Variants in SAE1 observed in about 807,000 individuals in gnomAD.
The protein encoded by SAE1 is SUMO-activating enzyme subunit 1.
A neutral mutation model predicts 40.6 loss-of-function variants in SAE1; 11 were observed. The observed-to-expected ratio is 0.27, with a 90% CI of 0.17 to 0.45. The LOEUF (loss-of-function observed/expected upper bound fraction) is 0.45. Ranked by LOEUF, SAE1 falls within the 20% of genes least tolerant of loss-of-function variation. The probability of loss-of-function intolerance (pLI) is 1.00; values close to 1 mark genes in which losing one functional copy is unlikely to be tolerated. For synonymous variants in SAE1, 155 were observed against 154.3 expected, an observed-to-expected ratio of 1.00 and a Z score of -0.03; for missense variants, 373 against 427.3, an observed-to-expected ratio of 0.87 and a Z score of 1.12.
intron 2 of SAE1, among the ~76,000 whole-genome samples, chr19:47,148,805 G>C (rs1449069045): frequency 1.3e-5 from 2 of 149,662 alleles, no homozygotes; most frequent in Non-Finnish European, 3.0e-5. Context: ...GTAGAGATGG[G>C]GTTTCACCAT....
intron 8 of SAE1, among the ~76,000 whole-genome samples, chr19:47,206,729 C>A (rs1188785772): frequency 1.3e-5 from 2 of 152,166 alleles, no homozygotes; most frequent in African/African-American, 2.4e-5. Flanking sequence ...ACCCTTCCAC[C>A]TGGCTAGGTT....
intron 6 of SAE1, among the ~76,000 whole-genome samples, chr19:47,194,529 G>A (rs926534281): frequency 1.3e-5 from 2 of 152,180 alleles, no homozygotes; most frequent in African/African-American, 2.4e-5. Context: ...AAGCACTCAG[G>A]GCTTGGGCCT....
chr19:47,170,961 C>A (rs1278106371), intron 6 of SAE1, among the ~76,000 whole-genome samples: 1 of 152,078 alleles, frequency 6.6e-6, no homozygotes, highest in African/African-American at 2.4e-5. Flanking sequence ...TTTCAGTGTT[C>A]TTCCTGTACC....
chr19:47,209,642 G>A lies in SAE1; in HGVS notation c.*391G>A. On this transcript the variant is annotated 3_prime_UTR_variant, in exon 9 of 9. Transcript: ENST00000270225. ...AAGCTCTGTTGCTCGGGAGCCTCTT[G>A]TCACCTTCTTGGACTTATTCCCCAC... 1 of 258,512 alleles carries A rather than the reference G, an allele frequency of 3.9e-6. No homozygotes were observed. Among genetic ancestry groups the A allele is most frequent in the South Asian group, 8.7e-5 (1 of 11,524 alleles). The allele number at this position is 258,512 out of a possible 1,614,324, so 16.0% of individuals were successfully genotyped here.
At chr19:47,160,547 G>A (rs775017393) in intron 5 of SAE1, among the ~76,000 whole-genome samples, 6 of 151,590 alleles carry the variant, frequency 4.0e-5, no homozygotes, top group Non-Finnish European at 2.9e-5. Flanking sequence ...GATGCCCGCC[G>A]CCATGCCCGA....
At chr19:47,142,890 A>T (rs912645404) in intron 1 of SAE1, among the ~76,000 whole-genome samples, 1 of 152,030 alleles carries the variant, frequency 6.6e-6, no homozygotes, top group Non-Finnish European at 1.5e-5. Context: ...TCACTTTTTC[A>T]CATATTATGT....
intron 7 of SAE1, among the ~76,000 whole-genome samples, chr19:47,203,288 G>T (rs1216470388): frequency 6.6e-6 from 1 of 152,142 alleles, no homozygotes; most frequent in Non-Finnish European, 1.5e-5. Flanking sequence ...ATTTGTCTGG[G>T]AATAGCATAT....
At chr19:47,140,674 T>C (rs533519529) in intron 1 of SAE1, among the ~76,000 whole-genome samples, 78 of 150,474 alleles carry the variant, frequency 5.2e-4, no homozygotes, top group African/African-American at 1.7e-3. Context: ...TGTGCACCTA[T>C]AGTCCCAGGA....
chr19:47,180,164 T>C (rs1413413018), intron 6 of SAE1: 1 of 456,160 alleles, frequency 2.2e-6, no homozygotes, highest in Non-Finnish European at 4.4e-6. Flanking sequence ...CCTAGAATTG[T>C]TGAGAGGGTT....
chr19:47,139,750 G>A (rs1337585676), intron 1 of SAE1, among the ~76,000 whole-genome samples: 2 of 147,702 alleles, frequency 1.4e-5, no homozygotes, highest in East Asian at 2.0e-4. Flanking sequence ...CACCACTCCC[G>A]GCCAATTTTT....
chr19:47,204,901 C>G (rs569718159), intron 8 of SAE1, among the ~76,000 whole-genome samples: 2 of 152,240 alleles, frequency 1.3e-5, no homozygotes, highest in African/African-American at 4.8e-5. Context: ...ACAGGATGAC[C>G]CGTGACCCTG....
chr19:47,186,311 G>T (rs1301266767), intron 6 of SAE1, among the ~76,000 whole-genome samples: 3 of 151,336 alleles, frequency 2.0e-5, no homozygotes, highest in Non-Finnish European at 4.4e-5. Flanking sequence ...TAGATTTGGG[G>T]TGCTCTATTG....
chr19:47,164,126 C>CA (rs1469576600), intron 5 of SAE1, among the ~76,000 whole-genome samples: 1 of 152,078 alleles, frequency 6.6e-6, no homozygotes, highest in Non-Finnish European at 1.5e-5. Flanking sequence ...ACTCAATAAG[C>CA]ATTCCCCAAA....
chr19:47,173,117 C>T (rs1436551920), intron 6 of SAE1, among the ~76,000 whole-genome samples: 1 of 152,106 alleles, frequency 6.6e-6, no homozygotes, highest in African/African-American at 2.4e-5. Context: ...CAACTTCTGC[C>T]TCCTGGGTTC....
intron 1 of SAE1, chr19:47,142,387 A>T: frequency 6.8e-6 from 1 of 147,756 alleles, no homozygotes; most frequent in Non-Finnish European, 1.5e-5. Flanking sequence ...CTGTCTTTAA[A>T]AAAAAAAAAA....
intron 8 of SAE1, 59 bp downstream of exon 8, chr19:47,203,799 G>GTTTCCATTCTCTCTGTC: frequency 1.4e-6 from 2 of 1,435,776 alleles, no homozygotes; most frequent in South Asian, 1.1e-5. Context: ...TGTGCTGACA[G>GTTTCCATTCTCTCTGTC]AGAGAATGGA....
At chr19:47,135,923 C>T (rs1476461485) in intron 1 of SAE1, among the ~76,000 whole-genome samples, 1 of 152,098 alleles carries the variant, frequency 6.6e-6, no homozygotes. Flanking sequence ...CCTGCCTCAG[C>T]CTCCCTAGTA....
At chr19:47,137,619 C>T (rs570397069) in intron 1 of SAE1, among the ~76,000 whole-genome samples, 25 of 151,812 alleles carry the variant, frequency 1.6e-4, no homozygotes, top group African/African-American at 6.0e-4. Context: ...CGCCTCAGCC[C>T]CCAAGTAGCT....
intron 8 of SAE1, among the ~76,000 whole-genome samples, chr19:47,205,039 A>G (rs919328905): frequency 2.0e-5 from 3 of 152,280 alleles, no homozygotes; most frequent in Admixed American, 6.5e-5. Context: ...CATACCCCCA[A>G]ATATATTGTA....
Sources: gnomAD v4.1 joint callset for allele counts (sites outside exome capture counted in the v4.1 genomes callset) on GRCh38, gnomAD v4.1.1 for gene constraint, MANE v1.5 for transcripts, NCBI Gene and HGNC (gene_info 2026-07-23, HGNC 2026-07-21) for gene names.